Variants in SLC10A1 observed in about 807,000 individuals in gnomAD.
SLC10A1 encodes the protein hepatic sodium/bile acid cotransporter.
A neutral mutation model predicts 20.5 loss-of-function variants in SLC10A1; 36 were observed. The observed-to-expected ratio is 1.75, with a 90% CI of 1.34 to 2.32. The LOEUF is 2.32. Ranked by LOEUF, SLC10A1 falls within the 30% of genes most tolerant of loss-of-function variation. SLC10A1 has a pLI of 0.00. For missense variants in SLC10A1, 545 were observed against 439.1 expected (o/e 1.24, Z -2.16); for synonymous variants, 188 against 163.6 (o/e 1.15, Z -1.14).
chr14:69,777,211 A>G (rs1883466420), intron 4 of SLC10A1, among the ~76,000 whole-genome samples: 1 of 152,236 alleles, frequency 6.6e-6, no homozygotes, highest in African/African-American at 2.4e-5. Context: ...GATAAGCATC[A>G]GAGTAGATTC....
At chr14:69,787,145 T>C (rs1883736978) in intron 1 of SLC10A1, among the ~76,000 whole-genome samples, 1 of 152,340 alleles carries the variant, frequency 6.6e-6, no homozygotes, top group African/African-American at 2.4e-5. Flanking sequence ...TCTGGTGTTC[T>C]CATGTTCTTT....
In SLC10A1 at chr14:69,775,568, C is replaced by G. The variant is rs1883427445; in HGVS notation, c.*714G>C. On this transcript the variant is annotated 3_prime_UTR_variant, in exon 5 of 5. Transcript: ENST00000216540. ...GGCGCCTTGTGTTAAAACCAAATAC[C>G]TACTGAACTTAAAAAAGAGATTATT... 1 of 152,082 alleles carries G rather than the reference C, an allele frequency of 6.6e-6. No homozygotes were observed. Among genetic ancestry groups the G allele is most frequent in the Admixed American group, 6.6e-5 (1 of 15,266 alleles). 9.4% of individuals were successfully genotyped at this position (152,082 alleles called of 1,614,324 possible). A position where few individuals can be genotyped will look rare whatever the true frequency, so the allele number is the denominator to read the frequency against.
intron 1 of SLC10A1, among the ~76,000 whole-genome samples, chr14:69,790,857 A>G (rs1883822020): frequency 6.6e-6 from 1 of 152,132 alleles, no homozygotes; most frequent in Non-Finnish European, 1.5e-5. Context: ...TGTTTTGCCA[A>G]TGATAGGATT....
At chr14:69,776,627 TCAC>T (rs1883454677) in intron 4 of SLC10A1, among the ~76,000 whole-genome samples, 1 of 152,208 alleles carries the variant, frequency 6.6e-6, no homozygotes, top group African/African-American at 2.4e-5. Flanking sequence ...GTCTTCATCA[TCAC>T]TTCACTTCTA....
rs1883527920 is a variant in SLC10A1 at position 69,779,223 on chromosome 14, C to T, written c.705G>A (p.Leu235=). 6.2e-7 allele frequency: 1 copy of T among 1,613,372 alleles called. No homozygotes were observed. The highest frequency in any genetic ancestry group is 1.3e-5 in the African/African-American group (1 of 74,900). The change falls in exon 3 of 5, where the codon CTG becomes CTA. Residue 235 remains leucine, a synonymous_variant. Transcript: ENST00000216540. ...TSSLMPFIGF[L]LGYVLSALFC... ...AGAGAGCAGAGAGAACATAACCCAG[C>T]AGAAAGCCAATAAAAGGCATCAGGG... is the stretch of plus-strand genomic sequence containing the variant.
At position 69,775,973 on chromosome 14, in the gene SLC10A1, C is replaced by G. The variant is rs1032829761; in HGVS notation, c.*309G>C. ...ATTGATTAGTTCAGGAATTGAGTGA[C>G]TTTAAGATGCTTATCAGACACTTTT... On this transcript the variant is annotated 3_prime_UTR_variant, in exon 5 of 5. Coordinates refer to ENST00000216540, the MANE Select transcript of SLC10A1 (RefSeq NM_003049.4). 11 of 317,300 alleles carry G rather than the reference C, an allele frequency of 3.5e-5. No homozygotes were observed. Among genetic ancestry groups the G allele is most frequent in the South Asian group, 5.0e-5 (1 of 20,024 alleles). The allele number at this position is 317,300 out of a possible 1,614,324, so 19.7% of individuals were successfully genotyped here.
At chr14:69,790,253 A>G (rs925656540) in intron 1 of SLC10A1, among the ~76,000 whole-genome samples, 1 of 152,184 alleles carries the variant, frequency 6.6e-6, no homozygotes, top group Admixed American at 6.5e-5. Context: ...GTAGTGTTCT[A>G]CTAAACATGC....
chr14:69,786,195 T>C lies in SLC10A1; in HGVS notation c.469A>G (p.Lys157Glu). Residue 157 changes from lysine to glutamate, a missense_variant, in exon 2 of 5, where the codon AAA (lysine) becomes GAA (glutamate). Physicochemically the swap from Lys to Glu is moderately conservative, Grantham distance 56 (BLOSUM62 1). Transcript: ENST00000216540. ...DGDLKDKVPYKGIVISLVLVL... is the reference protein window; with the variant it reads ...DGDLKDKVPYEGIVISLVLVL... ...AGGACCAGTGATATCACGATGCCTTTATAGGGCACCTTGTCCTTCAGGTCC... is the reference window on the plus strand; with the variant it reads ...AGGACCAGTGATATCACGATGCCTTCATAGGGCACCTTGTCCTTCAGGTCC... The C allele has an allele frequency of 1.2e-6, 2 of 1,614,032 alleles. No individual in the cohort carries two copies. The highest frequency in any genetic ancestry group is 1.7e-6 in the Non-Finnish European group (2 of 1,179,976).
chr14:69,784,099 G>A (rs913310814), intron 2 of SLC10A1, among the ~76,000 whole-genome samples: 1 of 152,232 alleles, frequency 6.6e-6, no homozygotes, highest in African/African-American at 2.4e-5. Context: ...GGTAATTGCA[G>A]ACCTGAGAGG....
chr14:69,775,678 T>C lies in SLC10A1; in HGVS notation c.*604A>G, dbSNP rs980752606. 1 of 152,284 alleles carries C rather than the reference T, an allele frequency of 6.6e-6. No homozygotes were observed. The highest frequency in any genetic ancestry group is 1.5e-5 in the Non-Finnish European group (1 of 68,100). The allele number at this position is 152,284 out of a possible 1,614,324, so 9.4% of individuals were successfully genotyped here. A position where few individuals can be genotyped will look rare whatever the true frequency, so the allele number is the denominator to read the frequency against. ...TTTCCTCCTCTACTAACATGATGCA[T>C]TCGCCCAGTTTTTTCATTTCATTAG... On this transcript the variant is annotated 3_prime_UTR_variant, in exon 5 of 5. Coordinates refer to ENST00000216540, the MANE Select transcript of SLC10A1 (RefSeq NM_003049.4).
At chr14:69,776,932 A>G (rs748188866) in intron 4 of SLC10A1, among the ~76,000 whole-genome samples, 1 of 152,222 alleles carries the variant, frequency 6.6e-6, no homozygotes, top group Non-Finnish European at 1.5e-5. Context: ...AAAACTTGAC[A>G]GATTCCTCCC....
At chr14:69,787,278 T>C (rs889052835) in intron 1 of SLC10A1, among the ~76,000 whole-genome samples, 2 of 152,242 alleles carry the variant, frequency 1.3e-5, no homozygotes, top group African/African-American at 2.4e-5. Flanking sequence ...TGGAATCTTA[T>C]ATATGTTAGT....
chr14:69,786,096 C>A lies in SLC10A1; in HGVS notation c.567+1G>T. 1 of 1,613,718 alleles carries A rather than the reference C, an allele frequency of 6.2e-7. No individual in the cohort carries two copies. ...ATTTGTCAAGCCTCCCAGGTTCTTA[C>A]CTTGATGACATAGCGCATGTATTGT... On this transcript the variant is annotated splice_donor_variant, in intron 2 of 4. Transcript: ENST00000216540. LOFTEE classifies it high-confidence loss of function.
chr14:69,785,012 CA>C (rs1883678979), intron 2 of SLC10A1, among the ~76,000 whole-genome samples: 1 of 152,152 alleles, frequency 6.6e-6, no homozygotes. Flanking sequence ...AAGCTGCTGC[CA>C]AACTTTGGGG....
chr14:69,776,510 T>C (rs1320792519), intron 4 of SLC10A1, 122 bp from the exon 5 acceptor site: 4 of 723,382 alleles, frequency 5.5e-6, no homozygotes, highest in Non-Finnish European at 9.2e-6. Context: ...AGTATATATT[T>C]TCCATCTCTG....
chr14:69,778,398 T>C lies in SLC10A1; in HGVS notation c.878A>G (p.Gln293Arg). ...AATGAGGAGAAGCCCTTCTCCAAGC[T>C]GGAAAATCATGTAGAGGAGGGGAAA... ...FFFPLLYMIFQLGEGLLLIAI... is the reference protein window; with the variant it reads ...FFFPLLYMIFRLGEGLLLIAI... The change falls in exon 4 of 5, where the codon CAG (glutamine) becomes CGG (arginine). Residue 293 changes from glutamine to arginine, a missense_variant. Gln to Arg is a conservative substitution (Grantham distance 43, BLOSUM62 1). Coordinates refer to ENST00000216540, the MANE Select transcript of SLC10A1 (RefSeq NM_003049.4). 1 of 1,613,868 alleles carries C rather than the reference T, an allele frequency of 6.2e-7. No individual in the cohort carries two copies. The highest frequency in any genetic ancestry group is 8.5e-7 in the Non-Finnish European group (1 of 1,179,904).
intron 1 of SLC10A1, among the ~76,000 whole-genome samples, chr14:69,796,065 T>C (rs1042712285): frequency 3.3e-5 from 5 of 152,186 alleles, no homozygotes; most frequent in Admixed American, 2.6e-4. Flanking sequence ...AGGATGAGCA[T>C]CAACCAGCCC....
chr14:69,777,585 T>TTG (rs1883475878), intron 4 of SLC10A1, among the ~76,000 whole-genome samples: 1 of 89,722 alleles, frequency 1.1e-5, no homozygotes, highest in African/African-American at 6.6e-5. Flanking sequence ...CCTGTTTTTT[T>TTG]TTTTTTTTTT....
chr14:69,795,416 T>TG (rs1218363361), intron 1 of SLC10A1, among the ~76,000 whole-genome samples: 102 of 150,564 alleles, frequency 6.8e-4, no homozygotes, highest in African/African-American at 2.4e-3. Flanking sequence ...TTTTTTTTTT[T>TG]TGAGAGAGAG....
Sources: gnomAD v4.1 joint callset for allele counts (sites outside exome capture counted in the v4.1 genomes callset) on GRCh38, gnomAD v4.1.1 for gene constraint, MANE v1.5 for transcripts, NCBI Gene and HGNC (gene_info 2026-07-23, HGNC 2026-07-21) for gene names.